COL23A1: variants seen among roughly 807,000 people sequenced by gnomAD.
COL23A1 encodes collagen type XXIII alpha 1 chain, also known as collagen alpha-1(XXIII) chain.
COL23A1 carries 97 observed loss-of-function variants against 99.3 expected under a neutral mutation model. The ratio of observed to expected loss-of-function variants is 0.98; its 90% CI spans 0.83 to 1.16. COL23A1 has a LOEUF of 1.16. Ranked by LOEUF, COL23A1 falls within the 50% of genes most tolerant of loss-of-function variation. The pLI is 0.00. For synonymous variants in COL23A1, 320 were observed against 308.2 expected, an observed-to-expected ratio of 1.04 and a Z score of -0.40; for missense variants, 762 against 757.4, an observed-to-expected ratio of 1.01 and a Z score of -0.07.
chr5:178,245,806 A>G, intron 25 of COL23A1, 136 bp downstream of exon 25: 2 of 987,582 alleles, frequency 2.0e-6, no homozygotes, highest in Non-Finnish European at 3.2e-6. Flanking sequence ...ATGGGGACAC[A>G]GGGGGAACCA....
intron 2 of COL23A1, among the ~76,000 whole-genome samples, chr5:178,493,672 T>C (rs901633037): frequency 1.6e-4 from 25 of 152,252 alleles, no homozygotes; most frequent in African/African-American, 5.8e-4. Context: ...TTTTCTCTGT[T>C]GGCCCATTCA....
chr5:178,435,669 G>A (rs1040458312), intron 2 of COL23A1, among the ~76,000 whole-genome samples: 2 of 152,192 alleles, frequency 1.3e-5, no homozygotes, highest in South Asian at 4.1e-4. Flanking sequence ...AAAAGCGAGG[G>A]GGAGGGAGGT....
chr5:178,374,420 C>A (rs377615968), intron 2 of COL23A1, among the ~76,000 whole-genome samples: 1 of 152,192 alleles, frequency 6.6e-6, no homozygotes, highest in Non-Finnish European at 1.5e-5. Flanking sequence ...CCACAGACAC[C>A]GTGGACAGCA....
intron 2 of COL23A1, among the ~76,000 whole-genome samples, chr5:178,545,491 G>A (rs1301915439): frequency 6.6e-6 from 1 of 152,186 alleles, no homozygotes; most frequent in Non-Finnish European, 1.5e-5. Flanking sequence ...GCCAGGGGCG[G>A]GGAGGAACAA....
At chr5:178,448,791 G>A (rs1179773129) in intron 2 of COL23A1, among the ~76,000 whole-genome samples, 5 of 152,016 alleles carry the variant, frequency 3.3e-5, no homozygotes, top group South Asian at 4.1e-4. Flanking sequence ...TGGAGAACAC[G>A]TTCAAACCCT....
At chr5:178,266,139 C>G (rs1755882796) in intron 8 of COL23A1, among the ~76,000 whole-genome samples, 1 of 152,114 alleles carries the variant, frequency 6.6e-6, no homozygotes, top group African/African-American at 2.4e-5. Flanking sequence ...CTCCTGGGTT[C>G]AAGCAATTCT....
intron 2 of COL23A1, among the ~76,000 whole-genome samples, chr5:178,424,578 G>A (rs889279749): frequency 1.3e-5 from 2 of 152,142 alleles, no homozygotes; most frequent in East Asian, 1.9e-4. Flanking sequence ...AAGACACACC[G>A]GCAACGCTCA....
chr5:178,562,187 A>T (rs1268593506), intron 1 of COL23A1: 1 of 446,252 alleles, frequency 2.2e-6, no homozygotes, highest in Non-Finnish European at 4.5e-6. Context: ...GGTTGCAGTG[A>T]GCCGAGATCG....
intron 2 of COL23A1, among the ~76,000 whole-genome samples, chr5:178,548,621 C>T (rs1182473233): frequency 8.0e-5 from 12 of 150,196 alleles, no homozygotes; most frequent in African/African-American, 2.5e-4. Flanking sequence ...GGCGCAATCT[C>T]GGCTCCCTGC....
intron 2 of COL23A1, among the ~76,000 whole-genome samples, chr5:178,403,137 A>AAAGAG (rs1561940793): frequency 2.2e-5 from 3 of 137,132 alleles, no homozygotes; most frequent in African/African-American, 8.4e-5. Flanking sequence ...TAAATAAAAA[A>AAAGAG]TAAATACCAT....
chr5:178,278,893 C>T (rs534919828), intron 5 of COL23A1, among the ~76,000 whole-genome samples: 177 of 152,304 alleles, frequency 1.2e-3, no homozygotes, highest in African/African-American at 4.1e-3. Flanking sequence ...GCAGCTGTGA[C>T]GCGCTGGGCC....
chr5:178,301,617 G>A (rs1430429908), intron 3 of COL23A1, among the ~76,000 whole-genome samples: 1 of 152,226 alleles, frequency 6.6e-6, no homozygotes, highest in African/African-American at 2.4e-5. Context: ...TCTCCGTTGA[G>A]GGCCTTTCCT....
At chr5:178,518,225 A>G (rs1189627148) in intron 2 of COL23A1, among the ~76,000 whole-genome samples, 1 of 144,620 alleles carries the variant, frequency 6.9e-6, no homozygotes, top group African/African-American at 2.6e-5. Context: ...AAGGTCACAG[A>G]TCAACAGGAT....
intron 2 of COL23A1, among the ~76,000 whole-genome samples, chr5:178,433,971 G>A (rs1276789053): frequency 6.6e-6 from 1 of 152,158 alleles, no homozygotes; most frequent in Admixed American, 6.5e-5. Flanking sequence ...ACAGGGAGAG[G>A]CAGCTACCTG....
At chr5:178,347,060 G>T (rs971777172) in intron 2 of COL23A1, among the ~76,000 whole-genome samples, 1 of 152,168 alleles carries the variant, frequency 6.6e-6, no homozygotes, top group Non-Finnish European at 1.5e-5. Flanking sequence ...AGGCCCAGCA[G>T]GGTCTGGTGG....
At chr5:178,403,138 T>A (rs2910131) in intron 2 of COL23A1, among the ~76,000 whole-genome samples, 41,127 of 90,670 alleles carry the variant, frequency 0.45, 11,553 homozygotes, top group East Asian at 0.69. Flanking sequence ...AAATAAAAAA[T>A]AAATACCATT....
At chr5:178,476,856 T>G (rs538310066) in intron 2 of COL23A1, among the ~76,000 whole-genome samples, 2 of 152,258 alleles carry the variant, frequency 1.3e-5, no homozygotes, top group African/African-American at 4.8e-5. Context: ...TTCTCTGTTA[T>G]GCAGGTGAGA....
chr5:178,517,482 T>C (rs1233909935), intron 2 of COL23A1, among the ~76,000 whole-genome samples: 1 of 150,358 alleles, frequency 6.7e-6, no homozygotes, highest in Non-Finnish European at 1.5e-5. Context: ...TCCAACCTAA[T>C]GACACCTTAG....
chr5:178,537,329 C>G lies in COL23A1; in HGVS notation c.361+23353G>C, dbSNP rs138036321. Reference sequence around the variant, plus strand: ...TGAGGCCCGGGGTCGTATTCAGATTCTGCCAGAAGAAAGAGCTCCAGCACT... The same window carrying G: ...TGAGGCCCGGGGTCGTATTCAGATTGTGCCAGAAGAAAGAGCTCCAGCACT... On this transcript the variant is annotated intron_variant, in intron 2 of 28. Transcript: ENST00000390654. Among the ~76,000 whole-genome samples, 546 of 152,350 alleles carry G rather than the reference C, an allele frequency of 3.6e-3. 3 individuals carry two copies. The highest frequency in any genetic ancestry group is 0.012 in the African/African-American group (509 of 41,584).
Sources: allele counts gnomAD v4.1 joint callset (sites outside exome capture counted in the v4.1 genomes callset), GRCh38; gene constraint gnomAD v4.1.1; transcripts MANE v1.5; gene names NCBI Gene and HGNC (gene_info 2026-07-23, HGNC 2026-07-21).